Variants in ISM1 observed in about 807,000 individuals in gnomAD.
ISM1 encodes isthmin-1.
In ISM1, 25 loss-of-function variants were observed where a neutral mutation model predicts 46.3. That is an observed-to-expected ratio of 0.54 (90% CI 0.39 to 0.75). The LOEUF (loss-of-function observed/expected upper bound fraction) is 0.75. ISM1 is among the 30% of genes least tolerant of loss of function. The pLI, the probability that ISM1 is intolerant of heterozygous loss-of-function variation, is 0.00. For missense variants in ISM1, 536 were observed against 625.4 expected, an observed-to-expected ratio of 0.86 and a Z score of 1.52; for synonymous variants, 255 against 256.7, an observed-to-expected ratio of 0.99 and a Z score of 0.06.
rs2040441097 is a variant in ISM1, at chr20:13,299,619, C to T, written c.*160C>T. ...TACATTACGCTAGGGGCGTGTGCCA[C>T]GCCCAGGGGACTGCCTTGTGAAGCC... On this transcript the variant is annotated 3_prime_UTR_variant, in exon 6 of 6. Transcript: ENST00000262487. The surrounding 1 kb of genome is among the most constrained non-coding windows in gnomAD (Gnocchi z 5.8). 1.4e-6 allele frequency: 1 copy of T among 722,446 alleles called. No homozygotes were observed. Among genetic ancestry groups the T allele is most frequent in the South Asian group, 2.2e-5 (1 of 44,996 alleles). 44.8% of individuals were successfully genotyped at this position (722,446 alleles called of 1,614,324 possible).
chr20:13,238,243 A>G (rs1275309055), intron 1 of ISM1: 1 of 152,176 alleles, frequency 6.6e-6, no homozygotes, highest in Non-Finnish European at 1.5e-5. Context: ...TCTACTGGAC[A>G]TGGTGACTTT....
At chr20:13,304,678 G>C (rs776658815), downstream of ISM1, among the ~76,000 whole-genome samples, 3 of 152,218 alleles carry the variant, frequency 2.0e-5, no homozygotes, top group South Asian at 6.2e-4. Flanking sequence ...TGGTGATCTT[G>C]GGGGAATCAG....
intron 1 of ISM1, among the ~76,000 whole-genome samples, chr20:13,258,882 C>G (rs1199755177): frequency 6.6e-6 from 1 of 152,164 alleles, no homozygotes; most frequent in East Asian, 1.9e-4. Context: ...CTGGTTCCGG[C>G]TTGTCAGTGC....
At chr20:13,314,280 A>ACT in the ISM1 span, among the ~76,000 whole-genome samples, 1 of 152,078 alleles carries the variant, frequency 6.6e-6, no homozygotes, top group African/African-American at 2.4e-5. Context: ...AGTTCAGAGA[A>ACT]TAATGAGTGG....
intron 1 of ISM1, among the ~76,000 whole-genome samples, chr20:13,234,472 G>A (rs114435902): frequency 0.025 from 3,840 of 152,236 alleles, 166 homozygotes; most frequent in African/African-American, 0.086. Flanking sequence ...ATATACTCAG[G>A]AGTGGGATTG....
intron 1 of ISM1, among the ~76,000 whole-genome samples, chr20:13,250,013 G>T (rs370641632): frequency 6.6e-6 from 1 of 152,094 alleles, no homozygotes; most frequent in Non-Finnish European, 1.5e-5. Context: ...GATTTCCATC[G>T]ATCGCTTCCA....
At chr20:13,248,514 C>T (rs1027298050) in intron 1 of ISM1, among the ~76,000 whole-genome samples, 1 of 152,164 alleles carries the variant, frequency 6.6e-6, no homozygotes, top group Non-Finnish European at 1.5e-5. Context: ...CATTCTGCAC[C>T]ATTTCCCAGC....
In ISM1 at chr20:13,270,591, G is replaced by C; in HGVS notation, c.226G>C (p.Ala76Pro). 3.1e-6 allele frequency: 5 copies of C among 1,613,930 alleles called. No individual in the cohort carries two copies. The highest frequency in any genetic ancestry group is 4.2e-6 in the Non-Finnish European group (5 of 1,179,866). ...EAPREHLDHQAAHQPFPRPRF... is the reference protein window; with the variant it reads ...EAPREHLDHQPAHQPFPRPRF... The stretch of plus-strand genomic sequence containing the variant: ...ACCAAGGGAGCATCTGGACCACCAG[G>C]CTGCACACCAACCCTTCCCCAGACC... Residue 76 changes from alanine to proline, a missense_variant, in exon 2 of 6, where the codon GCT becomes CCT. Coordinates refer to ENST00000262487, the MANE Select transcript of ISM1 (RefSeq NM_080826.2).
At chr20:13,304,419 A>G (rs1387814166), downstream of ISM1, among the ~76,000 whole-genome samples, 1 of 152,058 alleles carries the variant, frequency 6.6e-6, no homozygotes, top group Non-Finnish European at 1.5e-5. Context: ...GCTAAGCTGG[A>G]CCCCATTTTC....
intron 2 of ISM1, among the ~76,000 whole-genome samples, chr20:13,276,901 G>A (rs533484970): frequency 2.0e-5 from 3 of 152,308 alleles, no homozygotes; most frequent in African/African-American, 4.8e-5. Context: ...TTTGATATCA[G>A]CATGAGGTTT....
chr20:13,260,615 T>C (rs78124132), intron 1 of ISM1, among the ~76,000 whole-genome samples: 1 of 152,134 alleles, frequency 6.6e-6, no homozygotes. Context: ...TTTTTTTTTT[T>C]TGAAGTTAGT....
chr20:13,293,995 GA>G (rs967888820), intron 5 of ISM1, among the ~76,000 whole-genome samples: 11 of 151,524 alleles, frequency 7.3e-5, no homozygotes, highest in African/African-American at 1.7e-4. Context: ...GAAAGAAAAA[GA>G]AAAAAAAGAA....
At chr20:13,233,318 G>A (rs1363863250) in intron 1 of ISM1, among the ~76,000 whole-genome samples, 2 of 152,040 alleles carry the variant, frequency 1.3e-5, no homozygotes, top group South Asian at 2.1e-4. Context: ...AGATCCTGCC[G>A]GGCGCGGTGG....
intron 1 of ISM1, among the ~76,000 whole-genome samples, chr20:13,252,669 C>T (rs1023914579): frequency 3.3e-5 from 5 of 152,022 alleles, no homozygotes; most frequent in African/African-American, 1.2e-4. Context: ...GCAGGAGAAT[C>T]GCTTGAACAC....
At chr20:13,326,698 A>T in the ISM1 span, among the ~76,000 whole-genome samples, 1 of 152,002 alleles carries the variant, frequency 6.6e-6, no homozygotes, top group African/African-American at 2.4e-5. Context: ...TCATTTTTTA[A>T]ATTGGGTTGT....
At chr20:13,304,402 C>T (rs576263965), downstream of ISM1, among the ~76,000 whole-genome samples, 35 of 152,296 alleles carry the variant, frequency 2.3e-4, no homozygotes, top group South Asian at 6.4e-3. Flanking sequence ...CCACATTGTA[C>T]TATAGTGCTA....
In ISM1 at chr20:13,268,335, C is replaced by T. The variant is rs1032519963; in HGVS notation, c.139-2169C>T. 3.8e-4 allele frequency among the ~76,000 whole-genome samples: 55 copies of T among 146,580 alleles called. 1 individual carries two copies. Among genetic ancestry groups the T allele is most frequent in the Admixed American group, 3.3e-3 (48 of 14,594 alleles). On this transcript the variant is annotated intron_variant, in intron 1 of 5. Transcript: ENST00000262487. Reference sequence around the variant, plus strand: ...TTTCTCTTCTCTTCTCTTTCTCCTTCTCCTTCTTCTTCCTCTCTCTCTCTC... The same window carrying T: ...TTTCTCTTCTCTTCTCTTTCTCCTTTTCCTTCTTCTTCCTCTCTCTCTCTC...
rs748397525 is a variant in ISM1 at position 13,223,031 on chromosome 20, C to T, written c.138+1117C>T. 1.4e-4 allele frequency among the ~76,000 whole-genome samples: 22 copies of T among 152,112 alleles called. No individual in the cohort carries two copies. The South Asian group carries it at 3.9e-3, about 27-fold the overall frequency. On this transcript the variant is annotated intron_variant, in intron 1 of 5. Transcript: ENST00000262487. ...TACAAAAATTAGCTGGGCGTGGTGG[C>T]GCACGCCTGTAGTCCCAGTTACTCG...
Position 13,221,801 on chromosome 20 carries a change from C to T in ISM1, c.25C>T (p.Leu9=). MVRLAAEL[L]LLLGLLLLTL... ...GATGGTGCGCCTGGCGGCCGAGCTG[C>T]TGCTGCTGCTGGGGCTGCTGCTGCT... The change falls in exon 1 of 6, where the codon CTG becomes TTG. Residue 9 remains leucine (L), a synonymous_variant. Transcript: ENST00000262487. 2 of 1,454,490 alleles carry T rather than the reference C, an allele frequency of 1.4e-6. No individual in the cohort carries two copies. The highest frequency in any genetic ancestry group is 1.8e-6 in the Non-Finnish European group (2 of 1,108,812). 90.1% of individuals were successfully genotyped at this position (1,454,490 alleles called of 1,614,324 possible).
Sources: allele counts gnomAD v4.1 joint callset (sites outside exome capture counted in the v4.1 genomes callset), GRCh38; gene constraint gnomAD v4.1.1; non-coding constraint Gnocchi (gnomAD v3.1); transcripts MANE v1.5; gene names NCBI Gene and HGNC (gene_info 2026-07-23, HGNC 2026-07-21).